LMX1B: variants seen among roughly 807,000 people sequenced by gnomAD.
The protein encoded by LMX1B is LIM homeobox transcription factor 1-beta.
A neutral mutation model predicts 51.4 loss-of-function variants in LMX1B; 12 were observed. The observed-to-expected ratio is 0.23, with a 90% confidence interval of 0.15 to 0.38. LMX1B has a LOEUF of 0.38. LMX1B is among the 10% of genes least tolerant of loss of function. The probability of loss-of-function intolerance (pLI) is 1.00; values close to 1 mark genes in which losing one functional copy is unlikely to be tolerated. For missense variants in LMX1B, 445 were observed against 571.1 expected (o/e 0.78, Z 2.25); for synonymous variants, 237 against 235.4 (o/e 1.01, Z -0.06).
At chr9:126,654,157 T>C (rs1483078327) in intron 2 of LMX1B, among the ~76,000 whole-genome samples, 1 of 151,962 alleles carries the variant, frequency 6.6e-6, no homozygotes, top group African/African-American at 2.4e-5. Flanking sequence ...ACTCCCGAGA[T>C]GCCACACTGT....
At chr9:126,659,055 A>G (rs763469981) in intron 2 of LMX1B, among the ~76,000 whole-genome samples, 2 of 152,136 alleles carry the variant, frequency 1.3e-5, no homozygotes, top group Non-Finnish European at 2.9e-5. Flanking sequence ...TCATGCACGC[A>G]CAGAGAGGCA....
At chr9:126,638,893 C>T (rs895227061) in intron 2 of LMX1B, among the ~76,000 whole-genome samples, 2 of 152,182 alleles carry the variant, frequency 1.3e-5, no homozygotes, top group African/African-American at 2.4e-5. Context: ...GGTGCCTAAT[C>T]CTATTGGGCG....
intron 2 of LMX1B, among the ~76,000 whole-genome samples, chr9:126,660,031 GTCTA>G (rs1564158306): frequency 2.5e-5 from 2 of 78,848 alleles, no homozygotes; most frequent in African/African-American, 4.6e-5. Flanking sequence ...GTGTGGGGGT[GTCTA>G]CACTGGCTTC....
rs372942835 is a variant in LMX1B at position 126,654,082 on chromosome 9, G to A, written c.327-36754G>A. 5.3e-5 allele frequency among the ~76,000 whole-genome samples: 8 copies of A among 152,220 alleles called. No homozygotes were observed. In the East Asian group the frequency reaches 9.7e-4, roughly 18 times the overall value. ...TTAGGATAAGAATGTGGAATATGCCGCTGCTGGGGCCCTACTCATCCCACC... is the reference window on the plus strand; with the variant it reads ...TTAGGATAAGAATGTGGAATATGCCACTGCTGGGGCCCTACTCATCCCACC... On this transcript the variant is annotated intron_variant, in intron 2 of 7. Coordinates refer to ENST00000373474, the MANE Select transcript of LMX1B (RefSeq NM_001174147.2).
In LMX1B at chr9:126,671,230, C is replaced by A. The variant is rs1273953650; in HGVS notation, c.327-19606C>A. Reference sequence around the variant, plus strand: ...CGAGCTCTGAGCTGGGGGGAGGGGACCCCGCTCGGAAATCGGTCATAAATT... The same window carrying A: ...CGAGCTCTGAGCTGGGGGGAGGGGAACCCGCTCGGAAATCGGTCATAAATT... On this transcript the variant is annotated intron_variant, in intron 2 of 7. Transcript: ENST00000373474. The surrounding 1 kb of genome is among the most constrained non-coding windows in gnomAD (Gnocchi z 4.4). Among the ~76,000 whole-genome samples, 2 of 152,216 alleles carry A rather than the reference C, an allele frequency of 1.3e-5. No individual in the cohort carries two copies. Among genetic ancestry groups the A allele is most frequent in the African/African-American group, 4.8e-5 (2 of 41,446 alleles).
intron 2 of LMX1B, among the ~76,000 whole-genome samples, chr9:126,642,425 C>T (rs571273469): frequency 4.1e-4 from 62 of 152,284 alleles, no homozygotes; most frequent in African/African-American, 1.5e-3. Context: ...AGCTTCAGTG[C>T]CACCCACACT....
chr9:126,645,739 G>A (rs1373194658), intron 2 of LMX1B, among the ~76,000 whole-genome samples: 4 of 152,158 alleles, frequency 2.6e-5, no homozygotes, highest in Admixed American at 2.0e-4. Context: ...AGGAGCTAGC[G>A]AGGAAGTGGG....
In LMX1B at chr9:126,689,442, G is replaced by A. The variant is rs149503450; in HGVS notation, c.327-1394G>A. Among the ~76,000 whole-genome samples the A allele has an allele frequency of 9.9e-3, 1,506 of 152,358 alleles. 28 individuals carry two copies. Among genetic ancestry groups the A allele is most frequent in the African/African-American group, 0.035 (1,454 of 41,582 alleles). On this transcript the variant is annotated intron_variant, in intron 2 of 7. Coordinates refer to ENST00000373474, the MANE Select transcript of LMX1B (RefSeq NM_001174147.2). ...TAAAGAGGGATGGGATGTGCACAGC[G>A]CTCCCAAGGTGGCGCCCGCAGACAT... is the stretch of plus-strand genomic sequence containing the variant.
At chr9:126,631,529 G>A (rs986297979) in intron 2 of LMX1B, among the ~76,000 whole-genome samples, 1 of 152,174 alleles carries the variant, frequency 6.6e-6, no homozygotes, top group South Asian at 2.1e-4. Flanking sequence ...GATGGGGCAG[G>A]CCTATCCTGC....
At chr9:126,679,711 A>G (rs993448114) in intron 2 of LMX1B, among the ~76,000 whole-genome samples, 2 of 152,158 alleles carry the variant, frequency 1.3e-5, no homozygotes, top group African/African-American at 2.4e-5. Context: ...ACTGTCTCCA[A>G]CCTGACCCAC....
chr9:126,647,826 T>C (rs1353439712), intron 2 of LMX1B, among the ~76,000 whole-genome samples: 1 of 152,192 alleles, frequency 6.6e-6, no homozygotes, highest in East Asian at 1.9e-4. Flanking sequence ...CTTTGGGAAA[T>C]GAGAAGCCTC....
At chr9:126,672,236 T>C (rs1836472056) in intron 2 of LMX1B, among the ~76,000 whole-genome samples, 2 of 152,220 alleles carry the variant, frequency 1.3e-5, no homozygotes, top group South Asian at 2.1e-4. Context: ...AATGGGATCA[T>C]GAGTTACAGT....
intron 2 of LMX1B, among the ~76,000 whole-genome samples, chr9:126,661,363 G>A (rs915014575): frequency 3.9e-5 from 6 of 152,176 alleles, no homozygotes; most frequent in Non-Finnish European, 8.8e-5. Flanking sequence ...AACTCTGTCT[G>A]TCGGGGCCAG....
At chr9:126,623,673 A>T (rs1053578880) in intron 2 of LMX1B, among the ~76,000 whole-genome samples, 1 of 152,048 alleles carries the variant, frequency 6.6e-6, no homozygotes, top group Non-Finnish European at 1.5e-5. Flanking sequence ...CATTGTTGCT[A>T]ATCTCCCCCA....
intron 2 of LMX1B, among the ~76,000 whole-genome samples, chr9:126,653,110 C>T (rs1264861398): frequency 6.6e-6 from 1 of 150,810 alleles, no homozygotes. Flanking sequence ...AAACCCATTC[C>T]CCTCTGTGTT....
intron 2 of LMX1B, among the ~76,000 whole-genome samples, chr9:126,666,962 A>G (rs1408674374): frequency 6.6e-6 from 1 of 152,226 alleles, no homozygotes. Flanking sequence ...TTAGGGCGAA[A>G]TGACAAATCG....
At position 126,658,373 on chromosome 9, in the gene LMX1B, G is replaced by A. The variant is rs1836158607; in HGVS notation, c.327-32463G>A. Reference sequence around the variant, plus strand: ...AGCAAGCCAGCCTCAAATTCGGCTGGCCCTCCCCCTGGCTGCCGGGCCCGG... The same window carrying A: ...AGCAAGCCAGCCTCAAATTCGGCTGACCCTCCCCCTGGCTGCCGGGCCCGG... On this transcript the variant is annotated intron_variant, in intron 2 of 7. Coordinates refer to ENST00000373474, the MANE Select transcript of LMX1B (RefSeq NM_001174147.2). This position sits in a 1 kb window ranked among gnomAD's most constrained non-coding sequence, Gnocchi z 4.0. Among the ~76,000 whole-genome samples, 1 of 151,094 alleles carries A rather than the reference G, an allele frequency of 6.6e-6. No homozygotes were observed. Among genetic ancestry groups the A allele is most frequent in the African/African-American group, 2.4e-5 (1 of 40,974 alleles).
chr9:126,628,425 ATTG>A (rs1236602456), intron 2 of LMX1B, among the ~76,000 whole-genome samples: 6 of 152,192 alleles, frequency 3.9e-5, no homozygotes, highest in Non-Finnish European at 8.8e-5. Context: ...AGAGTTTGAT[ATTG>A]TTATGATTCG....
chr9:126,646,788 A>G (rs1835911226), intron 2 of LMX1B, among the ~76,000 whole-genome samples: 1 of 152,194 alleles, frequency 6.6e-6, no homozygotes, highest in African/African-American at 2.4e-5. Flanking sequence ...CACAGCAGAC[A>G]AGGTTCCTGT....
Sources: gnomAD v4.1 joint callset for allele counts (sites outside exome capture counted in the v4.1 genomes callset) on GRCh38, gnomAD v4.1.1 for gene constraint, Gnocchi (gnomAD v3.1) non-coding constraint, MANE v1.5 for transcripts, NCBI Gene and HGNC (gene_info 2026-07-23, HGNC 2026-07-21) for gene names.